The following ACO2 variants were observed in gnomAD, a reference collection of about 807,000 sequenced individuals.
The protein encoded by ACO2 is aconitate hydratase, mitochondrial.
Under a neutral mutation model 84.5 loss-of-function variants are expected in ACO2, and 31 were observed. The ratio of observed to expected loss-of-function variants is 0.37; its 90% CI spans 0.28 to 0.50. ACO2 has a LOEUF of 0.50. Among genes scored for constraint, ACO2 ranks in the 20% least tolerant of loss-of-function variants. ACO2 has a pLI of 0.97. For missense variants in ACO2, 685 were observed against 1,029.3 expected, an observed-to-expected ratio of 0.67 and a Z score of 4.58; for synonymous variants, 414 against 412.7, an observed-to-expected ratio of 1.00 and a Z score of -0.04.
At chr22:41,523,128 C>T (rs1008732741) in intron 10 of ACO2, 77 bp from the exon 11 acceptor site, 33 of 1,536,214 alleles carry the variant, frequency 2.1e-5, no homozygotes, top group Non-Finnish European at 2.9e-5. Context: ...AGCACTTCGT[C>T]CTGCAGCCAC....
intron 6 of ACO2, 177 bp from the exon 7 acceptor site, chr22:41,517,350 G>A (rs1024812946): frequency 3.2e-5 from 19 of 594,454 alleles, no homozygotes; most frequent in South Asian, 9.2e-5. Flanking sequence ...TCCCCTCACC[G>A]GCCCAGGTTT....
At chr22:41,517,712 G>A (rs1479105417) in intron 7 of ACO2, 81 bp downstream of exon 7, 19 of 1,289,892 alleles carry the variant, frequency 1.5e-5, no homozygotes, top group Non-Finnish European at 2.1e-5. Context: ...GCCTTTCCCT[G>A]TAGGGCAGGG....
At chr22:41,478,366 A>G (rs2038045372) in intron 1 of ACO2, among the ~76,000 whole-genome samples, 1 of 151,878 alleles carries the variant, frequency 6.6e-6, no homozygotes, top group South Asian at 2.1e-4. Flanking sequence ...CTGGTCTCCA[A>G]CTCCTGACCT....
intron 4 of ACO2, chr22:41,512,331 GCAT>G (rs2066439625): frequency 9.9e-6 from 2 of 202,364 alleles, no homozygotes; most frequent in African/African-American, 4.8e-5. Flanking sequence ...ACCCCTTGTG[GCAT>G]GCATCACTGA....
rs1271647576 is a variant in ACO2 at position 41,528,679 on chromosome 22, G to A, written c.*66G>A. ...CTCCACGTGTGCCATCAGTGGATCC[G>A]ATCCGTCCAGCCATGGCTTCCTATT... is the stretch of plus-strand genomic sequence containing the variant. On this transcript the variant is annotated 3_prime_UTR_variant, in exon 18 of 18. Transcript: ENST00000216254. The A allele has an allele frequency of 1.8e-5, 28 of 1,579,570 alleles. No individual in the cohort carries two copies. Among genetic ancestry groups the A allele is most frequent in the African/African-American group, 5.4e-5 (4 of 74,384 alleles).
In ACO2 at chr22:41,527,495, G is replaced by A. The variant is rs1306156205; in HGVS notation, c.2086+75G>A. 14 of 1,538,062 alleles carry A rather than the reference G, an allele frequency of 9.1e-6. No homozygotes were observed. The African/African-American group carries it at 1.1e-4, about 12-fold the overall frequency. On this transcript the variant is annotated intron_variant, in intron 16 of 17. Transcript: ENST00000216254. Reference sequence around the variant, plus strand: ...AAGGTCACTCTCCCTGCCCGTGGCTGAGTTGGGCCTGGTTCTAGGCTGTGT... The same window carrying A: ...AAGGTCACTCTCCCTGCCCGTGGCTAAGTTGGGCCTGGTTCTAGGCTGTGT...
chr22:41,476,625 G>A (rs759514127), intron 1 of ACO2, among the ~76,000 whole-genome samples: 18 of 151,938 alleles, frequency 1.2e-4, no homozygotes, highest in Non-Finnish European at 1.9e-4. Flanking sequence ...TACGAGAATC[G>A]CTTGAACCTG....
At chr22:41,516,315 C>T (rs1302168649) in intron 6 of ACO2, among the ~76,000 whole-genome samples, 2 of 152,174 alleles carry the variant, frequency 1.3e-5, no homozygotes, top group Non-Finnish European at 2.9e-5. Context: ...AGCTGCAGGC[C>T]CACATCCTCC....
At chr22:41,519,189 C>T (rs1354425323) in intron 8 of ACO2, among the ~76,000 whole-genome samples, 2 of 152,170 alleles carry the variant, frequency 1.3e-5, no homozygotes, top group Non-Finnish European at 2.9e-5. Context: ...GAGGGCAAAT[C>T]CCAGCAGGGT....
At position 41,508,007 on chromosome 22, in the gene ACO2, T is replaced by C; in HGVS notation, c.390T>C (p.Ile130=). 6.2e-7 allele frequency: 1 copy of C among 1,613,716 alleles called. No homozygotes were observed. The highest frequency in any genetic ancestry group is 8.5e-7 in the Non-Finnish European group (1 of 1,179,624). The stretch of plus-strand genomic sequence containing the variant: ...CCACCATCCACTGTGACCATCTGAT[T>C]GAAGCCCAGGTTGGGGGCGAGAAAG... The part of the protein sequence containing the change: ...VPSTIHCDHL[I]EAQVGGEKDL... Residue 130 remains isoleucine, a synonymous_variant, in exon 3 of 18, where the codon ATT becomes ATC. Transcript: ENST00000216254.
At position 41,524,830 on chromosome 22, in the gene ACO2, G is replaced by T; in HGVS notation, c.1483-16G>T. 6.2e-7 allele frequency: 1 copy of T among 1,614,074 alleles called. No homozygotes were observed. The highest frequency in any genetic ancestry group is 8.5e-7 in the Non-Finnish European group (1 of 1,180,026). On this transcript the variant is annotated splice_polypyrimidine_tract_variant and intron_variant, in intron 12 of 17. Coordinates refer to ENST00000216254, the MANE Select transcript of ACO2 (RefSeq NM_001098.3). ...GCAATTGGTGCTGACCAACAAACTG[G>T]CCACCTCCATTTCAGATTGTCACAG...
At chr22:41,517,705 T>C in intron 7 of ACO2, 74 bp downstream of exon 7, 2 of 1,366,062 alleles carry the variant, frequency 1.5e-6, no homozygotes, top group East Asian at 4.7e-5. Flanking sequence ...GAGCTATGCC[T>C]TTCCCTGTAG....
At chr22:41,496,186 C>T (rs1371730835) in intron 1 of ACO2, among the ~76,000 whole-genome samples, 3 of 151,656 alleles carry the variant, frequency 2.0e-5, no homozygotes, top group Non-Finnish European at 4.4e-5. Context: ...TGGTAGTGCA[C>T]GCCTGTAGTG....
rs764337627 is a variant in ACO2, at chr22:41,507,902, T to C, written c.285T>C (p.Arg95=). ...CGTACCTGCGGCTGCGGCCGGACCG[T>C]GTGGCCATGCAGGATGCGACGGCCC... ...GKSYLRLRPD[R]VAMQDATAQM... is the part of the protein sequence containing the mutation. Residue 95 remains arginine, a synonymous_variant, in exon 3 of 18, where the codon CGT becomes CGC. Coordinates refer to ENST00000216254, the MANE Select transcript of ACO2 (RefSeq NM_001098.3). The C allele has an allele frequency of 3.1e-6, 5 of 1,614,102 alleles. No individual in the cohort carries two copies. The highest frequency in any genetic ancestry group is 1.7e-5 in the Admixed American group (1 of 59,998).
At position 41,527,894 on chromosome 22, in the gene ACO2, T is replaced by C. The variant is rs1172783306; in HGVS notation, c.2087-7T>C. The stretch of plus-strand genomic sequence containing the variant: ...CCCCCGATGACCGAATGCCGCCTGC[T>C]TTCCAGAGACCAACCTGAAGAAACA... On this transcript the variant is annotated splice_region_variant and splice_polypyrimidine_tract_variant and intron_variant, in intron 16 of 17. Coordinates refer to ENST00000216254, the MANE Select transcript of ACO2 (RefSeq NM_001098.3). The C allele has an allele frequency of 6.2e-7, 1 of 1,614,182 alleles. No homozygotes were observed. The highest frequency in any genetic ancestry group is 8.5e-7 in the Non-Finnish European group (1 of 1,180,026).
At chr22:41,484,527 G>A (rs759794436) in intron 1 of ACO2, among the ~76,000 whole-genome samples, 7 of 152,002 alleles carry the variant, frequency 4.6e-5, no homozygotes, top group African/African-American at 7.2e-5. Context: ...TTTTTATAAC[G>A]GAGGAAAAAT....
chr22:41,522,713 C>G, intron 9 of ACO2, 117 bp from the exon 10 acceptor site: 2 of 1,216,108 alleles, frequency 1.6e-6, no homozygotes, highest in African/African-American at 1.5e-5. Context: ...AAAAAAGTCT[C>G]TGGCCCAGCC....
intron 1 of ACO2, among the ~76,000 whole-genome samples, chr22:41,493,655 T>G (rs911426794): frequency 2.6e-5 from 4 of 152,292 alleles, no homozygotes; most frequent in Admixed American, 2.0e-4. Context: ...GAAATTCCAT[T>G]CCTTGGCTGG....
chr22:41,528,161 CAG>C, intron 17 of ACO2, 139 bp downstream of exon 17: 2 of 1,344,780 alleles, frequency 1.5e-6, no homozygotes, highest in Non-Finnish European at 2.0e-6. Flanking sequence ...GGTGGCCCCA[CAG>C]AGAAAGCAAA....
Sources: gnomAD v4.1 joint callset for allele counts (sites outside exome capture counted in the v4.1 genomes callset) on GRCh38, gnomAD v4.1.1 for gene constraint, MANE v1.5 for transcripts, NCBI Gene and HGNC (gene_info 2026-07-23, HGNC 2026-07-21) for gene names.